ACSM1: variants seen among roughly 807,000 people sequenced by gnomAD.
The protein encoded by ACSM1 is acyl-coenzyme A synthetase ACSM1, mitochondrial.
In ACSM1, 79 loss-of-function variants were observed where a neutral mutation model predicts 75.8. That is an observed-to-expected ratio of 1.04 (90% CI 0.87 to 1.26). The LOEUF (loss-of-function observed/expected upper bound fraction) is 1.26. ACSM1 is among the 50% of genes most tolerant of loss of function. The probability of loss-of-function intolerance (pLI) is 0.00; values close to 1 mark genes in which losing one functional copy is unlikely to be tolerated. For missense variants in ACSM1, 676 were observed against 720.1 expected (o/e 0.94, Z 0.70); for synonymous variants, 279 against 265.8 (o/e 1.05, Z -0.48).
chr16:20,681,790 A>G lies in ACSM1; in HGVS notation c.611+466T>C, dbSNP rs141593694. On this transcript the variant is annotated intron_variant, in intron 4 of 13. Transcript: ENST00000520010. ...ACTCAATTGTATGTAGGGAAACCCA[A>G]TTCCTCCTGAGGAAGAGAAAGAGGT... The G allele has an allele frequency of 3.7e-3, 578 of 155,440 alleles. 1 individual carries two copies. The highest frequency in any genetic ancestry group is 5.9e-3 in the Non-Finnish European group (410 of 69,958). The allele number at this position is 155,440 out of a possible 1,614,324, so 9.6% of individuals were successfully genotyped here.
chr16:20,627,287 T>C lies in ACSM1; in HGVS notation c.1329A>G (p.Glu443=), dbSNP rs1401168669. 1 of 1,583,346 alleles carries C rather than the reference T, an allele frequency of 6.3e-7. No homozygotes were observed. The highest frequency in any genetic ancestry group is 1.8e-5 in the Admixed American group (1 of 55,744). The change falls in exon 11 of 14, where the codon GAA becomes GAG. Residue 443 remains glutamate, a synonymous_variant. Transcript: ENST00000520010. ...CCCCAGTGTTGTAGAAGTCCCCACA[T>C]TCCACTTTAGCTGTCTTCTCTGGGT... ...EGDPEKTAKV[E]CGDFYNTGDR... is the part of the protein sequence containing the mutation.
chr16:20,636,659 G>A, intron 10 of ACSM1, 80 bp downstream of exon 10: 1 of 957,942 alleles, frequency 1.0e-6, no homozygotes, highest in South Asian at 1.4e-5. Flanking sequence ...AAATAAAAGA[G>A]GACTTGAAGA....
At chr16:20,692,808 G>C (rs1039323411) in intron 1 of ACSM1, among the ~76,000 whole-genome samples, 1 of 152,144 alleles carries the variant, frequency 6.6e-6, no homozygotes, top group African/African-American at 2.4e-5. Flanking sequence ...AAACCCATCT[G>C]ATGAGAATTT....
intron 2 of ACSM1, among the ~76,000 whole-genome samples, chr16:20,689,867 G>A (rs1331678045): frequency 3.3e-5 from 5 of 152,146 alleles, no homozygotes; most frequent in Non-Finnish European, 7.3e-5. Flanking sequence ...ATAATGGATT[G>A]TGAAATCAGA....
At chr16:20,656,990 A>G (rs554760874) in intron 7 of ACSM1, among the ~76,000 whole-genome samples, 1 of 152,204 alleles carries the variant, frequency 6.6e-6, no homozygotes, top group Admixed American at 6.5e-5. Context: ...CCAACCACAA[A>G]CATTTTCTGC....
At chr16:20,679,571 T>C (rs1319752221) in intron 4 of ACSM1, 2 of 152,218 alleles carry the variant, frequency 1.3e-5, no homozygotes, top group Non-Finnish European at 2.9e-5. Context: ...AGTGTAAGCA[T>C]GTTTCTATTA....
Position 20,669,249 on chromosome 16 carries a change from G to T in ACSM1, c.912+578C>A, listed in dbSNP as rs145008808. ...CAGGGTTAAGTACTTTACACATATC[G>T]CCTCTATCATCTCATTAATATTACC... On this transcript the variant is annotated intron_variant, in intron 6 of 13. Coordinates refer to ENST00000520010, the MANE Select transcript of ACSM1 (RefSeq NM_001318890.3). 9.2e-5 allele frequency among the ~76,000 whole-genome samples: 14 copies of T among 152,048 alleles called. No homozygotes were observed. In the East Asian group the frequency reaches 2.7e-3, roughly 29 times the overall value.
intron 11 of ACSM1, among the ~76,000 whole-genome samples, chr16:20,626,251 T>C (rs1459996150): frequency 6.6e-6 from 1 of 151,734 alleles, no homozygotes; most frequent in African/African-American, 2.4e-5. Flanking sequence ...CTGGACATGC[T>C]CACTTGAAGC....
Position 20,670,040 on chromosome 16 carries a change from G to A in ACSM1, c.753-54C>T, listed in dbSNP as rs182935051. The A allele has an allele frequency of 5.4e-5, 85 of 1,586,380 alleles. No homozygotes were observed. In the East Asian group the frequency reaches 1.6e-3, roughly 30 times the overall value. On this transcript the variant is annotated intron_variant, in intron 5 of 13. Coordinates refer to ENST00000520010, the MANE Select transcript of ACSM1 (RefSeq NM_001318890.3). ...GTGTGATCATGGCTGATGTGATGAA[G>A]GGCTGTGCACTCTGGTTTTTAGCTA... is the stretch of plus-strand genomic sequence containing the variant.
intron 4 of ACSM1, among the ~76,000 whole-genome samples, chr16:20,673,654 G>A (rs1336394800): frequency 6.6e-6 from 1 of 152,100 alleles, no homozygotes; most frequent in Non-Finnish European, 1.5e-5. Flanking sequence ...AAGGCACCCA[G>A]TCCCTGGGAG....
chr16:20,649,093 A>G (rs551852122), intron 7 of ACSM1, among the ~76,000 whole-genome samples: 2 of 152,202 alleles, frequency 1.3e-5, no homozygotes, highest in Non-Finnish European at 2.9e-5. Flanking sequence ...AATCTGGCTC[A>G]TGTCAGTGAT....
In ACSM1 at chr16:20,671,664, A is replaced by G. The variant is rs747824979; in HGVS notation, c.619T>C (p.Ser207Pro). The G allele has an allele frequency of 6.4e-7, 1 of 1,568,354 alleles. No homozygotes were observed. Among genetic ancestry groups the G allele is most frequent in the Non-Finnish European group, 8.7e-7 (1 of 1,155,328 alleles). Residue 207 changes from serine to proline, a missense_variant, in exon 5 of 14, where the codon TCC becomes CCC. By Grantham distance (74) the Ser-to-Pro change is moderately conservative (BLOSUM62 -1). Transcript: ENST00000520010. ...LDFRSLVKSA[S>P]PEHTCVKSKT... ...GACTTAACACAGGTGTGTTCTGGGG[A>G]TGCTGATCTGCAAAGGGGTTCAAGA...
intron 8 of ACSM1, among the ~76,000 whole-genome samples, chr16:20,638,812 C>G (rs1300380767): frequency 6.6e-6 from 1 of 152,204 alleles, no homozygotes; most frequent in Non-Finnish European, 1.5e-5. Context: ...ACGTTGCACA[C>G]ATGAGTGAAC....
At chr16:20,629,268 G>A (rs1215919529) in intron 10 of ACSM1, among the ~76,000 whole-genome samples, 1 of 152,102 alleles carries the variant, frequency 6.6e-6, no homozygotes, top group East Asian at 1.9e-4. Flanking sequence ...TGAGTTGAGA[G>A]GTACAAGATG....
chr16:20,692,731 T>C (rs2079665850), intron 1 of ACSM1, among the ~76,000 whole-genome samples: 1 of 152,160 alleles, frequency 6.6e-6, no homozygotes, highest in Admixed American at 6.5e-5. Context: ...GGGTAAAACA[T>C]TTTGATTTTC....
In ACSM1 at chr16:20,637,379, C is replaced by G; in HGVS notation, c.1189G>C (p.Asp397His). The change falls in exon 9 of 14, where the codon GAC becomes CAC. Residue 397 changes from aspartate to histidine, a missense_variant. Asp to His is a moderately conservative substitution (Grantham distance 81). Coordinates refer to ENST00000520010, the MANE Select transcript of ACSM1 (RefSeq NM_001318890.3). The stretch of plus-strand genomic sequence containing the variant: ...TGCCCTTAGGACCAGACCTGGACGT[C>G]GTAGGGTGGAGTGGCCTTCCCCATG... ...GFMGKATPPY[D>H]VQVIDDKGSI... 1 of 1,614,078 alleles carries G rather than the reference C, an allele frequency of 6.2e-7. No homozygotes were observed. The highest frequency in any genetic ancestry group is 8.5e-7 in the Non-Finnish European group (1 of 1,179,972).
chr16:20,635,002 C>T (rs1803798906), intron 10 of ACSM1, among the ~76,000 whole-genome samples: 1 of 151,972 alleles, frequency 6.6e-6, no homozygotes, highest in Non-Finnish European at 1.5e-5. Flanking sequence ...GGAAAAAAAC[C>T]CAAAGAAGTC....
chr16:20,626,914 C>T (rs2016957457), intron 11 of ACSM1, among the ~76,000 whole-genome samples: 1 of 152,006 alleles, frequency 6.6e-6, no homozygotes, highest in Non-Finnish European at 1.5e-5. Flanking sequence ...CAGAGTCTCC[C>T]TTCTCAATTC....
chr16:20,669,684 G>T, intron 6 of ACSM1, 143 bp downstream of exon 6: 2 of 760,074 alleles, frequency 2.6e-6, no homozygotes, highest in Non-Finnish European at 2.1e-6. Flanking sequence ...CAGACTCAGT[G>T]CATCACACTT....
Sources: gnomAD v4.1 joint callset for allele counts (sites outside exome capture counted in the v4.1 genomes callset) on GRCh38, gnomAD v4.1.1 for gene constraint, MANE v1.5 for transcripts, NCBI Gene and HGNC (gene_info 2026-07-23, HGNC 2026-07-21) for gene names.